Variants in NALCN observed in about 807,000 individuals in gnomAD.
NALCN encodes sodium leak channel NALCN.
In NALCN, 111 loss-of-function variants were observed where a neutral mutation model predicts 225.3. The observed-to-expected ratio is 0.49, with a 90% CI of 0.42 to 0.58. The LOEUF is 0.58. Among genes scored for constraint, NALCN ranks in the 20% least tolerant of loss-of-function variants. The probability of loss-of-function intolerance (pLI) is 0.00; values close to 1 mark genes in which losing one functional copy is unlikely to be tolerated. For synonymous variants in NALCN, 764 were observed against 769.0 expected (o/e 0.99, Z 0.11); for missense variants, 1,378 against 2,202.4 (o/e 0.63, Z 7.49).
intron 15 of NALCN, among the ~76,000 whole-genome samples, chr13:101,157,750 CTTTT>C (rs11322942): frequency 7.2e-6 from 1 of 138,718 alleles, no homozygotes; most frequent in Admixed American, 7.2e-5. Context: ...GGGACATGGT[CTTTT>C]TTTTTTTTTT....
At chr13:101,183,198 A>T (rs1308341491) in intron 14 of NALCN, among the ~76,000 whole-genome samples, 1 of 152,206 alleles carries the variant, frequency 6.6e-6, no homozygotes, top group Admixed American at 6.5e-5. Context: ...TATTACCTTC[A>T]GCTAATGTTT....
At chr13:101,309,252 T>C (rs181977057) in intron 7 of NALCN, among the ~76,000 whole-genome samples, 13 of 152,268 alleles carry the variant, frequency 8.5e-5, no homozygotes, top group Admixed American at 6.5e-4. Context: ...AATTCAACAT[T>C]ACTAAACTCA....
chr13:101,351,365 C>T lies in NALCN; in HGVS notation c.645-5945G>A, dbSNP rs1479039817. Among the ~76,000 whole-genome samples, 3 of 152,120 alleles carry T rather than the reference C, an allele frequency of 2.0e-5. No homozygotes were observed. The South Asian group carries it at 6.2e-4, about 32-fold the overall frequency. On this transcript the variant is annotated intron_variant, in intron 6 of 43. Transcript: ENST00000251127. ...TTTTTAAAAGCCTTCAATTATCCTC[C>T]TAGCATATGTTTGCTTGTTTGTTTT...
At position 101,250,841 on chromosome 13, in the gene NALCN, A is replaced by G. The variant is rs1394789952; in HGVS notation, c.1266+7602T>C. 2.0e-5 allele frequency among the ~76,000 whole-genome samples: 3 copies of G among 152,012 alleles called. No individual in the cohort carries two copies. In the East Asian group the frequency reaches 5.8e-4, roughly 29 times the overall value. The stretch of plus-strand genomic sequence containing the variant: ...CATACTACTAGATAACTGAAAAATC[A>G]ATTAGGGTACAGATTAAACAGGCAA... On this transcript the variant is annotated intron_variant, in intron 11 of 43. Coordinates refer to ENST00000251127, the MANE Select transcript of NALCN (RefSeq NM_052867.4).
intron 7 of NALCN, among the ~76,000 whole-genome samples, chr13:101,319,736 T>A (rs997077496): frequency 7.2e-5 from 11 of 152,186 alleles, no homozygotes; most frequent in African/African-American, 2.7e-4. Flanking sequence ...TTTTCTTATA[T>A]ATGTATAATG....
intron 13 of NALCN, among the ~76,000 whole-genome samples, chr13:101,225,455 G>T (rs905916027): frequency 2.0e-5 from 3 of 152,142 alleles, no homozygotes; most frequent in Admixed American, 2.0e-4. Flanking sequence ...GCTGCCTTAT[G>T]TATAACCTCC....
intron 7 of NALCN, among the ~76,000 whole-genome samples, chr13:101,311,760 G>T (rs1426748714): frequency 1.3e-5 from 2 of 152,064 alleles, no homozygotes; most frequent in Non-Finnish European, 2.9e-5. Context: ...GATTCGGTTT[G>T]CCAGTATTTT....
intron 13 of NALCN, among the ~76,000 whole-genome samples, chr13:101,228,361 A>T (rs751944087): frequency 1.3e-5 from 2 of 152,126 alleles, no homozygotes; most frequent in African/African-American, 2.4e-5. Flanking sequence ...TATTCTTCCC[A>T]TATGATATGG....
chr13:101,106,632 C>T (rs1198652171), intron 22 of NALCN, among the ~76,000 whole-genome samples: 2 of 152,038 alleles, frequency 1.3e-5, no homozygotes, highest in South Asian at 2.1e-4. Context: ...GGGGGCGGTT[C>T]CCCCATACTG....
chr13:101,141,765 G>A (rs1000481677), intron 17 of NALCN, among the ~76,000 whole-genome samples: 2 of 152,068 alleles, frequency 1.3e-5, no homozygotes, highest in Non-Finnish European at 2.9e-5. Flanking sequence ...AAAGCGGAGA[G>A]AAAGAAGATC....
intron 13 of NALCN, among the ~76,000 whole-genome samples, chr13:101,212,740 T>G (rs558273828): frequency 7.2e-5 from 11 of 152,036 alleles, no homozygotes; most frequent in Non-Finnish European, 1.6e-4. Context: ...CAAAAGACTG[T>G]GAGGCTGCGG....
At chr13:101,332,313 G>C (rs1166216624) in intron 7 of NALCN, among the ~76,000 whole-genome samples, 1 of 133,988 alleles carries the variant, frequency 7.5e-6, no homozygotes, top group Non-Finnish European at 1.5e-5. Context: ...AGGATACTAA[G>C]ACCATAAGAC....
chr13:101,106,056 G>C (rs2035078425), intron 22 of NALCN, among the ~76,000 whole-genome samples: 1 of 152,170 alleles, frequency 6.6e-6, no homozygotes, highest in Admixed American at 6.6e-5. Flanking sequence ...CCAAGATCAA[G>C]ATGCCAGCTG....
At chr13:101,144,232 A>T (rs986431339) in intron 16 of NALCN, among the ~76,000 whole-genome samples, 11 of 152,224 alleles carry the variant, frequency 7.2e-5, no homozygotes, top group African/African-American at 2.7e-4. Context: ...TCAAATCAGT[A>T]TGAGTGGAAA....
intron 14 of NALCN, chr13:101,181,471 GC>G: frequency 5.2e-6 from 2 of 386,720 alleles, no homozygotes; most frequent in South Asian, 3.8e-5. Context: ...GCTCAGCTGG[GC>G]ATGGTGACTC....
At chr13:101,417,089 TC>T (rs1171458795), upstream of NALCN, among the ~76,000 whole-genome samples, 1 of 152,028 alleles carries the variant, frequency 6.6e-6, no homozygotes, top group East Asian at 1.9e-4. Context: ...AAATTGACAG[TC>T]CCCCACCCCA....
At chr13:101,067,849 T>C in intron 39 of NALCN, 69 bp downstream of exon 39, 1 of 1,072,588 alleles carries the variant, frequency 9.3e-7, no homozygotes, top group Admixed American at 2.0e-5. Flanking sequence ...CTGAAAACCA[T>C]TTAAGTGTTT....
intron 3 of NALCN, among the ~76,000 whole-genome samples, chr13:101,388,414 G>T (rs1257602329): frequency 6.8e-6 from 1 of 147,992 alleles, no homozygotes; most frequent in Non-Finnish European, 1.5e-5. Flanking sequence ...ACCTCTTACA[G>T]ATTGAAAATA....
intron 1 of NALCN, among the ~76,000 whole-genome samples, chr13:101,402,954 T>C (rs868707236): frequency 6.6e-6 from 1 of 152,174 alleles, no homozygotes; most frequent in Non-Finnish European, 1.5e-5. Context: ...TCATTCCATA[T>C]ATGTACAACG....
Sources: gnomAD v4.1 joint callset for allele counts (sites outside exome capture counted in the v4.1 genomes callset) on GRCh38, gnomAD v4.1.1 for gene constraint, MANE v1.5 for transcripts, NCBI Gene and HGNC (gene_info 2026-07-23, HGNC 2026-07-21) for gene names.